The following PCDHA13 variants were observed in gnomAD, a reference collection of about 807,000 sequenced individuals.
The protein encoded by PCDHA13 is protocadherin alpha 13.
PCDHA13 carries 54 observed loss-of-function variants against 64.8 expected under a neutral mutation model. The ratio of observed to expected loss-of-function variants is 0.83; its 90% CI spans 0.67 to 1.04. The LOEUF (loss-of-function observed/expected upper bound fraction) is 1.04, where lower values mean the gene tolerates loss of function less well. Among genes scored for constraint, PCDHA13 ranks in the 50% least tolerant of loss-of-function variants. PCDHA13 has a pLI of 0.00. For missense variants in PCDHA13, 1,248 were observed against 1,254.3 expected (o/e 0.99, Z 0.08); for synonymous variants, 587 against 564.4 (o/e 1.04, Z -0.57).
At chr5:141,002,759 G>A (rs1312107218) in intron 3 of PCDHA13, among the ~76,000 whole-genome samples, 1 of 152,214 alleles carries the variant, frequency 6.6e-6, no homozygotes, top group Non-Finnish European at 1.5e-5. Flanking sequence ...ACCCTGTGAT[G>A]TAGACAGGAA....
chr5:140,917,724 G>C (rs2078325058), intron 1 of PCDHA13, among the ~76,000 whole-genome samples: 1 of 152,080 alleles, frequency 6.6e-6, no homozygotes, highest in East Asian at 1.9e-4. Flanking sequence ...CTTTATTTCT[G>C]GGTTCTCTAA....
chr5:140,903,902 A>G lies in PCDHA13; in HGVS notation c.2394+19240A>G, dbSNP rs548056424. Among the ~76,000 whole-genome samples the G allele has an allele frequency of 5.9e-5, 9 of 152,370 alleles. No individual in the cohort carries two copies. The South Asian group carries it at 1.9e-3, about 32-fold the overall frequency. On this transcript the variant is annotated intron_variant, in intron 1 of 3. Transcript: ENST00000289272. ...ACATTGAATCTTGACCTGTTTGTCA[A>G]TGATGTGACTTCCTTGCTGCATTGG...
intron 1 of PCDHA13, chr5:140,966,401 C>G (rs1218132824): frequency 2.5e-6 from 1 of 404,878 alleles, no homozygotes; most frequent in African/African-American, 2.1e-5. Flanking sequence ...CACTTCGGCG[C>G]GGAATCAGAG....
Position 141,010,456 on chromosome 5 carries a change from TATC to T in PCDHA13, c.*521_*523del. The T allele has an allele frequency of 1.1e-6, 1 of 877,088 alleles. No individual in the cohort carries two copies. The highest frequency in any genetic ancestry group is 3.0e-5 in the Admixed American group (1 of 33,582). The allele number at this position is 877,088 out of a possible 1,614,324, so 54.3% of individuals were successfully genotyped here. On this transcript the variant is annotated 3_prime_UTR_variant, in exon 4 of 4. Transcript: ENST00000289272. ...ACAAAGACAAATAAACAGCGGAAGT[TATC>T]AGTATGGAGGGGAAGTGTAAACTTA... is the stretch of plus-strand genomic sequence containing the variant.
Position 140,882,209 on chromosome 5 carries a change from A to T in PCDHA13, c.-60A>T. 6.5e-7 allele frequency: 1 copy of T among 1,531,724 alleles called. No individual in the cohort carries two copies. Among genetic ancestry groups the T allele is most frequent in the Non-Finnish European group, 8.8e-7 (1 of 1,139,536 alleles). 94.9% of individuals were successfully genotyped at this position (1,531,724 alleles called of 1,614,324 possible). The stretch of plus-strand genomic sequence containing the variant: ...AGCCATAAAAATTGGGCCTTGAGAG[A>T]CAGTTTGAGGTAAGGCGTTGTATAT... On this transcript the variant is annotated 5_prime_UTR_variant, in exon 1 of 4. Coordinates refer to ENST00000289272, the MANE Select transcript of PCDHA13 (RefSeq NM_018904.3).
At chr5:140,971,510 A>G (rs1166115283) in intron 1 of PCDHA13, among the ~76,000 whole-genome samples, 3 of 152,152 alleles carry the variant, frequency 2.0e-5, no homozygotes, top group Non-Finnish European at 2.9e-5. Flanking sequence ...TAGGAGCAAA[A>G]GCCACTCAGT....
At chr5:140,982,434 T>A in intron 2 of PCDHA13, 41 bp from the exon 3 acceptor site, 1 of 1,613,270 alleles carries the variant, frequency 6.2e-7, no homozygotes, top group Non-Finnish European at 8.5e-7. Flanking sequence ...TGGGAAAGAA[T>A]TTATGATCTA....
At chr5:140,975,022 G>A (rs2096650178) in intron 1 of PCDHA13, among the ~76,000 whole-genome samples, 2 of 152,188 alleles carry the variant, frequency 1.3e-5, no homozygotes, top group Admixed American at 1.3e-4. Context: ...GCTGGGCTGT[G>A]TTGTCCTTTG....
Position 140,882,562 on chromosome 5 carries a change from G to A in PCDHA13, c.294G>A (p.Arg98=). The change falls in exon 1 of 4, where the codon CGG becomes CGA. Residue 98 remains arginine, a synonymous_variant. Coordinates refer to ENST00000289272, the MANE Select transcript of PCDHA13 (RefSeq NM_018904.3). ...SRIDREELCG[R]SAECSIHLEV... The stretch of plus-strand genomic sequence containing the variant: ...TCGACCGCGAGGAGCTGTGTGGGCG[G>A]AGCGCGGAGTGCAGCATCCACCTGG... 6.2e-7 allele frequency: 1 copy of A among 1,614,252 alleles called. No individual in the cohort carries two copies. Among genetic ancestry groups the A allele is most frequent in the Non-Finnish European group, 8.5e-7 (1 of 1,180,046 alleles).
intron 1 of PCDHA13, chr5:140,928,055 C>T (rs1554205406): frequency 8.1e-6 from 13 of 1,614,066 alleles, no homozygotes; most frequent in South Asian, 3.3e-5. Context: ...TTTCAGCTGA[C>T]GGCTTCCTTT....
rs2059691205 is a variant in PCDHA13 at position 140,883,597 on chromosome 5, G to T, written c.1329G>T (p.Val443=). ...TGTGGGCCACGGCCAGCGTGTCGGT[G>T]GGGGTGGCCGACGTGAACGACAACG... ...PSLWATASVS[V]GVADVNDNAP... The change falls in exon 1 of 4, where the codon GTG becomes GTT. Residue 443 remains valine, a synonymous_variant. Transcript: ENST00000289272. 1.9e-6 allele frequency: 3 copies of T among 1,614,004 alleles called. No homozygotes were observed. Among genetic ancestry groups the T allele is most frequent in the Middle Eastern group, 1.7e-4 (1 of 6,054 alleles).
rs373922357 is a variant in PCDHA13, at chr5:140,927,079, G to C, written c.2394+42417G>C. On this transcript the variant is annotated intron_variant, in intron 1 of 3. Coordinates refer to ENST00000289272, the MANE Select transcript of PCDHA13 (RefSeq NM_018904.3). ...CTTTCGCTTCCTTTCCAGCCACCGC[G>C]AGCTCTACTTCGGGGTGGATCTACC... The C allele has an allele frequency of 2.5e-6, 4 of 1,610,870 alleles. No individual in the cohort carries two copies. In the African/African-American group the frequency reaches 5.3e-5, roughly 22 times the overall value.
At chr5:141,008,528 G>C (rs1343778561) in intron 3 of PCDHA13, among the ~76,000 whole-genome samples, 5 of 152,070 alleles carry the variant, frequency 3.3e-5, no homozygotes, top group African/African-American at 9.7e-5. Flanking sequence ...AGACTCTTGG[G>C]AATGTCTTTT....
At chr5:140,995,416 T>G (rs2097682772) in intron 3 of PCDHA13, among the ~76,000 whole-genome samples, 1 of 152,228 alleles carries the variant, frequency 6.6e-6, no homozygotes, top group African/African-American at 2.4e-5. Context: ...TTCATCACAT[T>G]ACTCAGAACA....
At chr5:140,902,203 C>CTTTTTTTTT (rs148688132) in intron 1 of PCDHA13, among the ~76,000 whole-genome samples, 1 of 124,460 alleles carries the variant, frequency 8.0e-6, no homozygotes. Flanking sequence ...CTCTCTCTTT[C>CTTTTTTTTT]TTTTTTTTTT....
intron 3 of PCDHA13, among the ~76,000 whole-genome samples, chr5:140,993,460 T>TCA (rs1554253699): frequency 1.6e-3 from 169 of 104,560 alleles, no homozygotes; most frequent in African/African-American, 3.8e-3. Flanking sequence ...CTTCTTTCTT[T>TCA]CTCACACACA....
In PCDHA13 at chr5:140,882,592, G is replaced by T; in HGVS notation, c.324G>T (p.Val108=). The T allele has an allele frequency of 6.2e-7, 1 of 1,614,272 alleles. No individual in the cohort carries two copies. The highest frequency in any genetic ancestry group is 8.5e-7 in the Non-Finnish European group (1 of 1,180,050). ...RSAECSIHLE[V]IVDRPLQVFH... ...CGGAGTGCAGCATCCACCTGGAGGT[G>T]ATCGTGGACAGGCCTCTGCAGGTTT... is the stretch of plus-strand genomic sequence containing the variant. Residue 108 remains valine, a synonymous_variant, in exon 1 of 4, where the codon GTG becomes GTT. Coordinates refer to ENST00000289272, the MANE Select transcript of PCDHA13 (RefSeq NM_018904.3).
intron 3 of PCDHA13, among the ~76,000 whole-genome samples, chr5:140,985,796 G>GTGC (rs1245486198): frequency 7.1e-6 from 1 of 140,828 alleles, no homozygotes; most frequent in Non-Finnish European, 1.5e-5. Flanking sequence ...CTGGAGTGCA[G>GTGC]TGGCACGATC....
chr5:140,966,490 T>C lies in PCDHA13; in HGVS notation c.2395-12459T>C, dbSNP rs533525977. 6.2e-5 allele frequency: 27 copies of C among 438,082 alleles called. No individual in the cohort carries two copies. In the Admixed American group the frequency reaches 1.1e-3, roughly 18 times the overall value. The allele number at this position is 438,082 out of a possible 1,614,324, so 27.1% of individuals were successfully genotyped here. On this transcript the variant is annotated intron_variant, in intron 1 of 3. Coordinates refer to ENST00000289272, the MANE Select transcript of PCDHA13 (RefSeq NM_018904.3). ...CCTTCTGTTTCCTTTTCCCTCCCCC[T>C]GGAGCTGTAGCGGCAGCAGCAGCAG... is the stretch of plus-strand genomic sequence containing the variant.
Sources: allele counts gnomAD v4.1 joint callset (sites outside exome capture counted in the v4.1 genomes callset), GRCh38; gene constraint gnomAD v4.1.1; transcripts MANE v1.5; gene names NCBI Gene and HGNC (gene_info 2026-07-23, HGNC 2026-07-21).